Variants in KLHL22 observed in about 807,000 individuals in gnomAD.
KLHL22 encodes kelch-like protein 22.
In KLHL22, 18 loss-of-function variants were observed where a neutral mutation model predicts 60.7. The observed-to-expected ratio is 0.30, with a 90% confidence interval of 0.20 to 0.44. The LOEUF (loss-of-function observed/expected upper bound fraction) is 0.44. KLHL22 is among the 20% of genes least tolerant of loss of function. The pLI is 1.00. For missense variants in KLHL22, 596 were observed against 852.3 expected, an observed-to-expected ratio of 0.70 and a Z score of 3.74; for synonymous variants, 355 against 354.5, an observed-to-expected ratio of 1.00 and a Z score of -0.01.
chr22:20,450,610 G>A, intron 5 of KLHL22: 1 of 1,599,616 alleles, frequency 6.3e-7, no homozygotes, highest in Non-Finnish European at 8.6e-7. Context: ...TTTTCCTGAA[G>A]TGGTACAGCA....
At chr22:20,470,772 A>C (rs1288393900) in intron 3 of KLHL22, among the ~76,000 whole-genome samples, 1 of 136,804 alleles carries the variant, frequency 7.3e-6, no homozygotes, top group Non-Finnish European at 1.6e-5. Flanking sequence ...GGATGCATGC[A>C]TGGATGGATG....
intron 2 of KLHL22, among the ~76,000 whole-genome samples, chr22:20,476,315 A>G (rs1293579465): frequency 1.3e-5 from 2 of 148,326 alleles, no homozygotes; most frequent in Non-Finnish European, 3.0e-5. Context: ...TTCTGCTGGC[A>G]CCTCTGGGAC....
At chr22:20,449,871 C>G (rs2052945498) in intron 5 of KLHL22, among the ~76,000 whole-genome samples, 1 of 152,186 alleles carries the variant, frequency 6.6e-6, no homozygotes, top group Non-Finnish European at 1.5e-5. Context: ...CCTTGCCTAG[C>G]CCTAGCTAGA....
chr22:20,465,146 A>G lies in KLHL22; in HGVS notation c.824T>C (p.Met275Thr), dbSNP rs145970598. The change falls in exon 4 of 7, where the codon ATG becomes ACG. Residue 275 changes from methionine to threonine, a missense_variant. Physicochemically the swap from Met to Thr is moderately conservative, Grantham distance 81. Transcript: ENST00000328879. This position sits in a 1 kb window ranked among gnomAD's most constrained non-coding sequence, Gnocchi z 4.9. ...PLRDTVASALMYHRNESLQPS... is the reference protein window; with the variant it reads ...PLRDTVASALTYHRNESLQPS... ...CTGTAGGCTCTCGTTCCGGTGGTACATGAGGGCGCTGGCCACTGTGTCCCT... is the reference window on the plus strand; with the variant it reads ...CTGTAGGCTCTCGTTCCGGTGGTACGTGAGGGCGCTGGCCACTGTGTCCCT... 1.4e-4 allele frequency: 222 copies of G among 1,613,828 alleles called. 1 individual carries two copies. Among genetic ancestry groups the G allele is most frequent in the Non-Finnish European group, 1.8e-4 (217 of 1,180,028 alleles).
intron 4 of KLHL22, 144 bp from the exon 5 acceptor site, chr22:20,458,144 C>T (rs559448568): frequency 7.5e-6 from 6 of 794,980 alleles, no homozygotes; most frequent in South Asian, 3.5e-5. Context: ...CAGTGCACAC[C>T]GATCTACAGC....
At chr22:20,447,890 C>T (rs537732181) in intron 5 of KLHL22, among the ~76,000 whole-genome samples, 3 of 152,206 alleles carry the variant, frequency 2.0e-5, no homozygotes, top group South Asian at 2.1e-4. Context: ...AGTGTAGTCA[C>T]GTGTAGTTGG....
At chr22:20,486,205 A>AAATAATTC (rs1295977105) in intron 2 of KLHL22, among the ~76,000 whole-genome samples, 1 of 151,816 alleles carries the variant, frequency 6.6e-6, no homozygotes, top group Non-Finnish European at 1.5e-5. Context: ...GTTCTTTGTA[A>AAATAATTC]AATAATTCAG....
At chr22:20,493,790 C>T (rs1394604873) in intron 1 of KLHL22, among the ~76,000 whole-genome samples, 18 of 148,152 alleles carry the variant, frequency 1.2e-4, no homozygotes, top group South Asian at 8.7e-4. Flanking sequence ...AGGCTGGGCA[C>T]AGTGGCTCAT....
intron 5 of KLHL22, chr22:20,450,398 GA>G (rs767097153): frequency 1.4e-6 from 2 of 1,477,020 alleles, no homozygotes; most frequent in Non-Finnish European, 1.9e-6. Context: ...TGTGTACACG[GA>G]AACAGTACAT....
chr22:20,485,355 A>G (rs1055487202), intron 2 of KLHL22, among the ~76,000 whole-genome samples: 1 of 152,240 alleles, frequency 6.6e-6, no homozygotes, highest in African/African-American at 2.4e-5. Flanking sequence ...AAAAGTCAAA[A>G]AAAGAAAATG....
chr22:20,489,053 C>A lies in KLHL22; in HGVS notation c.159G>T (p.Val53=). Reference sequence around the variant, plus strand: ...CGATGTGTCTGCCCTCCACCACCAGCACAACATCGAAGAGGATTCCGCTGT... The same window carrying A: ...CGATGTGTCTGCCCTCCACCACCAGAACAACATCGAAGAGGATTCCGCTGT... ...LRDSGILFDV[V]LVVEGRHIEA... The change falls in exon 2 of 7, where the codon GTG becomes GTT. Residue 53 remains valine (V), a synonymous_variant. Coordinates refer to ENST00000328879, the MANE Select transcript of KLHL22 (RefSeq NM_032775.4). 2 of 1,614,096 alleles carry A rather than the reference C, an allele frequency of 1.2e-6. No homozygotes were observed. The highest frequency in any genetic ancestry group is 8.5e-7 in the Non-Finnish European group (1 of 1,180,042).
At chr22:20,454,186 G>A (rs753828770) in intron 5 of KLHL22, among the ~76,000 whole-genome samples, 2 of 152,034 alleles carry the variant, frequency 1.3e-5, no homozygotes, top group African/African-American at 2.4e-5. Context: ...AATATTAGCT[G>A]GGCATGGTGG....
intron 2 of KLHL22, among the ~76,000 whole-genome samples, chr22:20,471,809 T>C (rs934817109): frequency 5.3e-5 from 8 of 152,194 alleles, no homozygotes; most frequent in Non-Finnish European, 1.0e-4. Flanking sequence ...TTCTGCTGTG[T>C]TCATCAGTGC....
rs1261889074 is a variant in KLHL22, at chr22:20,469,794, G to A, written c.393+1556C>T. ...ACTTGAGTTGTTTTTTTTTAATTGC[G>A]TCAAACCTGCTCTCATGGGAAGAAA... On this transcript the variant is annotated intron_variant, in intron 3 of 6. Coordinates refer to ENST00000328879, the MANE Select transcript of KLHL22 (RefSeq NM_032775.4). Among the ~76,000 whole-genome samples the A allele has an allele frequency of 4.0e-5, 6 of 151,006 alleles. No individual in the cohort carries two copies. The East Asian group carries it at 7.8e-4, about 20-fold the overall frequency.
At chr22:20,483,964 C>T (rs1347659120) in intron 2 of KLHL22, 28 of 686,828 alleles carry the variant, frequency 4.1e-5, no homozygotes, top group Admixed American at 1.2e-4. Flanking sequence ...GAGCGGGACA[C>T]GAAGATCCAG....
chr22:20,453,237 CA>C lies in KLHL22; in HGVS notation c.1305+4570del, dbSNP rs540715156. On this transcript the variant is annotated intron_variant, in intron 5 of 6. Transcript: ENST00000328879. ...AGAAAATATTAAAAATCAATGGTCT[CA>C]AAAAAAAAAGATTTTCTTCTTCTTT... 7.0e-3 allele frequency among the ~76,000 whole-genome samples: 1,017 copies of C among 144,584 alleles called. 10 individuals are homozygous for C. Among genetic ancestry groups the C allele is most frequent in the African/African-American group, 0.023 (913 of 39,418 alleles). 94.9% of individuals were successfully genotyped at this position (144,584 alleles called of 152,430 possible).
At chr22:20,492,600 T>C (rs1225986247) in intron 1 of KLHL22, among the ~76,000 whole-genome samples, 1 of 152,060 alleles carries the variant, frequency 6.6e-6, no homozygotes, top group Non-Finnish European at 1.5e-5. Context: ...TGCCCTTTTT[T>C]TTTTTTTTAG....
At chr22:20,485,564 A>T (rs986784065) in intron 2 of KLHL22, among the ~76,000 whole-genome samples, 1 of 152,166 alleles carries the variant, frequency 6.6e-6, no homozygotes, top group East Asian at 1.9e-4. Context: ...AAATTTCCAC[A>T]GGACAGAAAA....
intron 4 of KLHL22, among the ~76,000 whole-genome samples, chr22:20,458,571 CTCA>C (rs891172890): frequency 6.6e-6 from 1 of 150,886 alleles, no homozygotes; most frequent in African/African-American, 2.4e-5. Flanking sequence ...CTTACCTCAT[CTCA>C]TCATCCACAT....
Sources: gnomAD v4.1 joint callset for allele counts (sites outside exome capture counted in the v4.1 genomes callset) on GRCh38, gnomAD v4.1.1 for gene constraint, Gnocchi (gnomAD v3.1) non-coding constraint, MANE v1.5 for transcripts, NCBI Gene and HGNC (gene_info 2026-07-23, HGNC 2026-07-21) for gene names.